The following LTBP2 variants were observed in gnomAD, a reference collection of about 807,000 sequenced individuals.
LTBP2 encodes the protein latent transforming growth factor beta binding protein 2, also known as latent-transforming growth factor beta-binding protein 2.
A neutral mutation model predicts 210.6 loss-of-function variants in LTBP2; 103 were observed. The observed-to-expected ratio is 0.49, with a 90% CI of 0.42 to 0.58. The LOEUF (loss-of-function observed/expected upper bound fraction) is 0.58. Among genes scored for constraint, LTBP2 ranks in the 20% least tolerant of loss-of-function variants. The pLI, the probability that LTBP2 is intolerant of heterozygous loss-of-function variation, is 0.00. For missense variants in LTBP2, 2,313 were observed against 2,494.5 expected (o/e 0.93, Z 1.55); for synonymous variants, 1,007 against 1,015.0 (o/e 0.99, Z 0.15).
intron 8 of LTBP2, among the ~76,000 whole-genome samples, chr14:74,542,633 A>G (rs1192925832): frequency 6.6e-6 from 1 of 152,114 alleles, no homozygotes; most frequent in African/African-American, 2.4e-5. Context: ...CAAACCTCAG[A>G]AGGGCAAGCT....
chr14:74,607,918 T>A (rs2088549809), intron 1 of LTBP2, among the ~76,000 whole-genome samples: 1 of 151,586 alleles, frequency 6.6e-6, no homozygotes, highest in African/African-American at 2.4e-5. Flanking sequence ...GACTATGTTT[T>A]TTTTTTTTTT....
intron 4 of LTBP2, among the ~76,000 whole-genome samples, chr14:74,555,248 G>A (rs983167422): frequency 2.0e-5 from 3 of 152,106 alleles, no homozygotes; most frequent in Admixed American, 6.5e-5. Flanking sequence ...AAAGGCAGGA[G>A]GGGATGATAG....
chr14:74,522,704 T>G (rs2087222059), intron 16 of LTBP2, 86 bp downstream of exon 16: 1 of 1,480,122 alleles, frequency 6.8e-7, no homozygotes, highest in Admixed American at 2.1e-5. Context: ...ACCTTCTGCT[T>G]CTTCCTGGAC....
chr14:74,554,649 T>C (rs763463746), intron 4 of LTBP2, among the ~76,000 whole-genome samples: 18 of 152,014 alleles, frequency 1.2e-4, no homozygotes, highest in Non-Finnish European at 2.4e-4. Flanking sequence ...TTGCCAGGGA[T>C]AGGAGGGGAG....
rs199962641 is a variant in LTBP2 at position 74,506,714 on chromosome 14, T to C, written c.4017A>G (p.Ser1339=). Residue 1339 remains serine, a synonymous_variant, in exon 27 of 36, where the codon TCA becomes TCG. Coordinates refer to ENST00000261978, the MANE Select transcript of LTBP2 (RefSeq NM_000428.3). ...LCDQGFEISP[S]GWDCVDVNEC... is the part of the protein sequence containing the mutation. The stretch of plus-strand genomic sequence containing the variant: ...GCTCCTCACCCACACAGTCCCAGCC[T>C]GAGGGAGAGATCTCGAAGCCCTGGT... The C allele has an allele frequency of 3.7e-6, 6 of 1,613,662 alleles. No individual in the cohort carries two copies. Among genetic ancestry groups the C allele is most frequent in the Non-Finnish European group, 5.1e-6 (6 of 1,179,994 alleles).
intron 7 of LTBP2, among the ~76,000 whole-genome samples, chr14:74,550,419 C>G (rs1162060087): frequency 6.6e-6 from 1 of 152,240 alleles, no homozygotes; most frequent in Non-Finnish European, 1.5e-5. Flanking sequence ...GCTGTCCCAC[C>G]TCCTCCAGTT....
chr14:74,576,597 T>C (rs1165496559), intron 3 of LTBP2, among the ~76,000 whole-genome samples: 2 of 151,906 alleles, frequency 1.3e-5, no homozygotes, highest in Non-Finnish European at 2.9e-5. Flanking sequence ...AAGCCAGGTC[T>C]GGGGTCACCA....
intron 4 of LTBP2, among the ~76,000 whole-genome samples, chr14:74,555,052 C>A (rs1279947548): frequency 6.6e-6 from 1 of 151,918 alleles, no homozygotes; most frequent in Non-Finnish European, 1.5e-5. Context: ...GAGGGGTTGT[C>A]AGGCAATAAC....
intron 8 of LTBP2, among the ~76,000 whole-genome samples, chr14:74,545,950 G>C (rs1346266106): frequency 6.6e-6 from 1 of 152,194 alleles, no homozygotes; most frequent in Admixed American, 6.5e-5. Context: ...TGGCATTCTG[G>C]AACAAAAGGG....
At chr14:74,552,825 G>T in intron 5 of LTBP2, 67 bp downstream of exon 5, 1 of 1,556,318 alleles carries the variant, frequency 6.4e-7, no homozygotes, top group Non-Finnish European at 8.7e-7. Context: ...TCCAAGGCAG[G>T]CCTGGCTCTC....
At position 74,523,243 on chromosome 14, in the gene LTBP2, C is replaced by T. The variant is rs553618980; in HGVS notation, c.2531-325G>A. Among the ~76,000 whole-genome samples, 9 of 152,238 alleles carry T rather than the reference C, an allele frequency of 5.9e-5. No individual in the cohort carries two copies. The East Asian group carries it at 1.7e-3, about 29-fold the overall frequency. ...ACCCCGAAAATGGGCCTGACTCCTA[C>T]CCAGTGCCCAGCGCCATCCCTCCCT... On this transcript the variant is annotated intron_variant, in intron 15 of 35. Coordinates refer to ENST00000261978, the MANE Select transcript of LTBP2 (RefSeq NM_000428.3).
intron 30 of LTBP2, 103 bp from the exon 31 acceptor site, chr14:74,504,157 C>CT: frequency 6.8e-7 from 1 of 1,465,078 alleles, no homozygotes; most frequent in African/African-American, 1.4e-5. Context: ...CCAGCTCTGC[C>CT]ACTTACTAGG....
intron 14 of LTBP2, 108 bp downstream of exon 14, chr14:74,525,967 A>ATG: frequency 8.5e-7 from 1 of 1,175,666 alleles, no homozygotes; most frequent in East Asian, 2.6e-5. Context: ...CCCTCCTCTG[A>ATG]TGTGTGTGTG....
rs2086888612 is a variant in LTBP2, at chr14:74,499,574, G to GAGA, written c.*1307_*1309dup. 8.8e-6 allele frequency: 2 copies of GAGA among 228,298 alleles called. No individual in the cohort carries two copies. The highest frequency in any genetic ancestry group is 2.2e-5 in the African/African-American group (1 of 45,180). The allele number at this position is 228,298 out of a possible 1,614,324, so 14.1% of individuals were successfully genotyped here. On this transcript the variant is annotated 3_prime_UTR_variant, in exon 36 of 36. Coordinates refer to ENST00000261978, the MANE Select transcript of LTBP2 (RefSeq NM_000428.3). ...TGTTCATTTACATTGCCATTCATCAGAGAAGTACGAAGTCAGAGCTTTCCT... is the reference window on the plus strand; with the variant it reads ...TGTTCATTTACATTGCCATTCATCAGAGAAGAAGTACGAAGTCAGAGCTTTCCT...
chr14:74,586,939 T>C lies in LTBP2; in HGVS notation c.566-821A>G, dbSNP rs2088213989. Among the ~76,000 whole-genome samples, 2 of 152,194 alleles carry C rather than the reference T, an allele frequency of 1.3e-5. No individual in the cohort carries two copies. Among genetic ancestry groups the C allele is most frequent in the Non-Finnish European group, 2.9e-5 (2 of 68,018 alleles). ...TCTCTGGATTCTGCCTCCTGGGCTG[T>C]GGGTCCAGCCGGAGGCAAGGTGGAG... On this transcript the variant is annotated intron_variant, in intron 2 of 35. Transcript: ENST00000261978. The surrounding 1 kb of genome is among the most constrained non-coding windows in gnomAD (Gnocchi z 4.6).
chr14:74,511,785 G>A (rs971801749), intron 18 of LTBP2, among the ~76,000 whole-genome samples: 10 of 152,216 alleles, frequency 6.6e-5, no homozygotes, highest in Admixed American at 1.3e-4. Flanking sequence ...ATAGATCATC[G>A]GAGGGGCAGT....
Position 74,555,634 on chromosome 14 carries a change from G to C in LTBP2, c.890C>G (p.Thr297Ser), listed in dbSNP as rs558378739. ...CGTGGCAGTCGGGTGAAGTCGGACAGTGCGGGACAACCCCACGTGCTGCTG... is the reference window on the plus strand; with the variant it reads ...CGTGGCAGTCGGGTGAAGTCGGACACTGCGGGACAACCCCACGTGCTGCTG... ...PSQQHVGLSR[T>S]VRLHPTATAS... The change falls in exon 4 of 36, where the codon ACT becomes AGT. Residue 297 changes from threonine (T) to serine (S), a missense_variant. By Grantham distance (58) the Thr-to-Ser change is moderately conservative. This residue lies in a region of LTBP2 where 1,867 missense variants were observed against 1,976.9 expected (regional missense o/e 0.94). Transcript: ENST00000261978. 6.3e-7 allele frequency: 1 copy of C among 1,599,186 alleles called. No individual in the cohort carries two copies. The highest frequency in any genetic ancestry group is 1.1e-5 in the South Asian group (1 of 89,498).
intron 3 of LTBP2, among the ~76,000 whole-genome samples, chr14:74,558,049 T>C (rs7150659): frequency 0.51 from 78,069 of 152,102 alleles, 20,681 homozygotes; most frequent in Non-Finnish European, 0.56. Context: ...ACCCCAGTTC[T>C]GTTAGCCCTT....
chr14:74,544,125 C>T (rs2087549305), intron 8 of LTBP2, among the ~76,000 whole-genome samples: 1 of 152,174 alleles, frequency 6.6e-6, no homozygotes. Context: ...ATCTCTGAGC[C>T]AAAGAGACAC....
Sources: allele counts gnomAD v4.1 joint callset (sites outside exome capture counted in the v4.1 genomes callset), GRCh38; gene constraint gnomAD v4.1.1; regional missense constraint gnomAD v4.1.1; non-coding constraint Gnocchi (gnomAD v3.1); transcripts MANE v1.5; gene names NCBI Gene and HGNC (gene_info 2026-07-23, HGNC 2026-07-21).